SCYL3: variants seen among roughly 807,000 people sequenced by gnomAD.
SCYL3 encodes SCY1 like pseudokinase 3.
Under a neutral mutation model 73.8 loss-of-function variants are expected in SCYL3, and 35 were observed. That is an observed-to-expected ratio of 0.47 (90% CI 0.36 to 0.63). SCYL3 has a LOEUF of 0.63. Ranked by LOEUF, SCYL3 falls within the 20% of genes least tolerant of loss-of-function variation. The pLI is 0.00. For synonymous variants in SCYL3, 277 were observed against 295.2 expected (o/e 0.94, Z 0.63); for missense variants, 712 against 798.9 (o/e 0.89, Z 1.31).
chr1:169,893,392 G>T (rs1312377361), intron 1 of SCYL3, among the ~76,000 whole-genome samples: 3 of 152,044 alleles, frequency 2.0e-5, no homozygotes, highest in African/African-American at 7.2e-5. Flanking sequence ...GACCCGCCCA[G>T]CCGAGCACCC....
upstream of SCYL3, chr1:169,894,159 T>G (rs548173349): frequency 6.6e-6 from 1 of 152,286 alleles, no homozygotes; most frequent in Non-Finnish European, 1.5e-5. Flanking sequence ...GTCGAATGCT[T>G]AAGTTTGTCT....
In SCYL3 at chr1:169,862,606, C is replaced by CT. The variant is rs760825085; in HGVS notation, c.1140+6dup. On this transcript the variant is annotated splice_region_variant and intron_variant, in intron 10 of 12. Coordinates refer to ENST00000367771, the MANE Select transcript of SCYL3 (RefSeq NM_020423.7). The stretch of plus-strand genomic sequence containing the variant: ...GTGACTACCCCACTGCAAACTTGGC[C>CT]TCTGACCTGTGGCAAGATGACTTTC... 2.5e-6 allele frequency: 4 copies of CT among 1,613,930 alleles called. No individual in the cohort carries two copies. The African/African-American group carries it at 5.3e-5, about 22-fold the overall frequency.
In SCYL3 at chr1:169,864,461, G is replaced by A. The variant is rs774495901; in HGVS notation, c.863C>T (p.Ser288Leu). The A allele has an allele frequency of 6.2e-7, 1 of 1,611,858 alleles. No individual in the cohort carries two copies. Among genetic ancestry groups the A allele is most frequent in the South Asian group, 1.1e-5 (1 of 90,438 alleles). The change falls in exon 9 of 13, where the codon TCA becomes TTA. Residue 288 changes from serine to leucine, a missense_variant. Physicochemically the swap from Ser to Leu is moderately radical, Grantham distance 145. Around this residue, in one of 2 missense-constraint regions of SCYL3, gnomAD observed 342 missense variants for 448.1 expected, o/e 0.76. Coordinates refer to ENST00000367771, the MANE Select transcript of SCYL3 (RefSeq NM_020423.7). ...VSCLSEELIA[S>L]RLVPLLLNQL... is the part of the protein sequence containing the mutation. Reference sequence around the variant, plus strand: ...ATTAAGCAGAAGAGGCACCAACCTTGAAGCTATCAATTCCTCTGACAAGCA... The same window carrying A: ...ATTAAGCAGAAGAGGCACCAACCTTAAAGCTATCAATTCCTCTGACAAGCA...
chr1:169,893,737 C>G (rs1233377349), intron 1 of SCYL3, 51 bp downstream of exon 1: 1 of 151,908 alleles, frequency 6.6e-6, no homozygotes, highest in Admixed American at 6.6e-5. Flanking sequence ...CCCCTTCCCC[C>G]ACGGCGCAGT....
chr1:169,855,716 CA>C (rs1043451061), intron 11 of SCYL3: 279 of 1,360,622 alleles, frequency 2.1e-4, no homozygotes, highest in Non-Finnish European at 1.2e-4. Flanking sequence ...TCAAAACTCC[CA>C]AAACACCCAT....
chr1:169,886,585 TATAAGCTTTA>T (rs1323437641), intron 2 of SCYL3, among the ~76,000 whole-genome samples: 10 of 152,230 alleles, frequency 6.6e-5, no homozygotes, highest in Non-Finnish European at 1.2e-4. Context: ...GAATCATTTT[TATAAGCTTTA>T]ATAAGCTTAC....
At chr1:169,875,943 A>G (rs755079389) in intron 4 of SCYL3, 35 bp downstream of exon 4, 6 of 1,434,632 alleles carry the variant, frequency 4.2e-6, no homozygotes, top group Non-Finnish European at 5.8e-6. Flanking sequence ...GCTATTAAAA[A>G]CCAAGTAAGG....
At chr1:169,861,642 G>A (rs536643041) in intron 10 of SCYL3, among the ~76,000 whole-genome samples, 7 of 152,198 alleles carry the variant, frequency 4.6e-5, no homozygotes, top group Non-Finnish European at 7.3e-5. Context: ...GTACTTACAT[G>A]GCAACGGATG....
intron 1 of SCYL3, among the ~76,000 whole-genome samples, chr1:169,892,175 G>T (rs560785077): frequency 2.6e-5 from 4 of 152,324 alleles, no homozygotes; most frequent in Non-Finnish European, 5.9e-5. Context: ...ATTGCAATTT[G>T]AGAATGTTTT....
chr1:169,879,998 G>GAT (rs1412245684), intron 2 of SCYL3, among the ~76,000 whole-genome samples: 25 of 151,992 alleles, frequency 1.6e-4, no homozygotes, highest in African/African-American at 5.3e-4. Context: ...CCAGGTTTGG[G>GAT]GACTCACACC....
intron 11 of SCYL3, chr1:169,856,062 A>G: frequency 1.1e-6 from 1 of 950,214 alleles, no homozygotes; most frequent in East Asian, 2.6e-5. Flanking sequence ...ATATTTTTAT[A>G]CATATAAAGG....
chr1:169,854,081 C>A (rs1658847336), intron 12 of SCYL3, 189 bp downstream of exon 12: 4 of 586,876 alleles, frequency 6.8e-6, no homozygotes, highest in Non-Finnish European at 1.2e-5. Flanking sequence ...ATTAAACAAA[C>A]TAAGCATTGC....
At chr1:169,889,590 C>CT (rs2102218158) in intron 1 of SCYL3, among the ~76,000 whole-genome samples, 1 of 151,304 alleles carries the variant, frequency 6.6e-6, no homozygotes, top group South Asian at 2.1e-4. Context: ...ATCTCAATTG[C>CT]TAAAAAAAAA....
chr1:169,863,192 T>G (rs559968718), intron 9 of SCYL3, among the ~76,000 whole-genome samples: 2 of 152,230 alleles, frequency 1.3e-5, no homozygotes, highest in Non-Finnish European at 2.9e-5. Flanking sequence ...ATTACAGGCG[T>G]GAGCCACCGC....
At chr1:169,856,101 C>T (rs1239534908) in intron 11 of SCYL3, 3 of 712,716 alleles carry the variant, frequency 4.2e-6, no homozygotes, top group Non-Finnish European at 6.8e-6. Context: ...CATCTTCAAA[C>T]ATTTGAAGAC....
In SCYL3 at chr1:169,853,020, T is replaced by G; in HGVS notation, c.*693A>C. 1.3e-6 allele frequency: 2 copies of G among 1,583,752 alleles called. No homozygotes were observed. Among genetic ancestry groups the G allele is most frequent in the Middle Eastern group, 1.7e-4 (1 of 5,960 alleles). ...CACTAGGCAGAACTGGGTTTGATGC[T>G]TTGTCAACTGAAAATACTTATGTCT... is the stretch of plus-strand genomic sequence containing the variant. On this transcript the variant is annotated 3_prime_UTR_variant, in exon 13 of 13. Transcript: ENST00000367771.
rs145244688 is a variant in SCYL3, at chr1:169,862,732, C to T, written c.1021G>A (p.Val341Met). The T allele has an allele frequency of 4.5e-5, 73 of 1,614,162 alleles. No homozygotes were observed. The highest frequency in any genetic ancestry group is 6.7e-5 in the East Asian group (3 of 44,890). ...TGAACTTCAAACAACTGGAGAAGCA[C>T]GGGGATCACCCGTGACTGGAACAGG... ...PALFQSRVIP[V>M]LLQLFEVHEE... is the part of the protein sequence containing the mutation. Residue 341 changes from valine (V) to methionine (M), a missense_variant, in exon 10 of 13, where the codon GTG (valine) becomes ATG (methionine). By Grantham distance (21) the Val-to-Met change is conservative (BLOSUM62 1). Transcript: ENST00000367771.
intron 6 of SCYL3, 135 bp from the exon 7 acceptor site, chr1:169,869,174 T>C: frequency 3.0e-6 from 2 of 667,740 alleles, no homozygotes; most frequent in Non-Finnish European, 5.2e-6. Flanking sequence ...GCTAAACAGC[T>C]TCCTGCTTGC....
In SCYL3 at chr1:169,850,496, C is replaced by T; in HGVS notation, c.*3217G>A. Reference sequence around the variant, plus strand: ...ACGACTTTTACTAAGCAATTGAGGCCACAGAAGTAAAACACTTGGGGCCAG... The same window carrying T: ...ACGACTTTTACTAAGCAATTGAGGCTACAGAAGTAAAACACTTGGGGCCAG... On this transcript the variant is annotated 3_prime_UTR_variant, in exon 13 of 13. Transcript: ENST00000367771. 1.7e-6 allele frequency: 1 copy of T among 581,642 alleles called. No homozygotes were observed. Among genetic ancestry groups the T allele is most frequent in the Non-Finnish European group, 3.0e-6 (1 of 328,258 alleles). The allele number at this position is 581,642 out of a possible 1,614,324, so 36.0% of individuals were successfully genotyped here.
Sources: allele counts gnomAD v4.1 joint callset (sites outside exome capture counted in the v4.1 genomes callset), GRCh38; gene constraint gnomAD v4.1.1; regional missense constraint gnomAD v4.1.1; transcripts MANE v1.5; gene names NCBI Gene and HGNC (gene_info 2026-07-23, HGNC 2026-07-21).